Variants in GNPDA2 observed in about 807,000 individuals in gnomAD.
GNPDA2 encodes glcN6P deaminase 2.
Under a neutral mutation model 27.0 loss-of-function variants are expected in GNPDA2, and 24 were observed. The ratio of observed to expected loss-of-function variants is 0.89; its 90% confidence interval spans 0.64 to 1.25. The LOEUF (loss-of-function observed/expected upper bound fraction) is 1.25. Ranked by LOEUF, GNPDA2 falls within the 50% of genes most tolerant of loss-of-function variation. The pLI, the probability that GNPDA2 is intolerant of heterozygous loss-of-function variation, is 0.00. For missense variants in GNPDA2, 286 were observed against 335.1 expected, an observed-to-expected ratio of 0.85 and a Z score of 1.14; for synonymous variants, 94 against 108.4, an observed-to-expected ratio of 0.87 and a Z score of 0.83.
At chr4:44,706,121 G>A (rs1417419343) in intron 6 of GNPDA2, 1 of 151,826 alleles carries the variant, frequency 6.6e-6, no homozygotes, top group Non-Finnish European at 1.5e-5. Flanking sequence ...ATTCCTTGTA[G>A]TCAAGGAATC....
At position 44,707,894 on chromosome 4, in the gene GNPDA2, T is replaced by C. The variant is rs369474718; in HGVS notation, c.627A>G (p.Ala209=). ...CTTCTATTGCTTTGTACAGGGCAAA[T>C]GCCTTGTGTGCCCCTGTTATAAGGA... ...VMILITGAHK[A]FALYKAIEEG... Residue 209 remains alanine, a synonymous_variant, in exon 6 of 7, where the codon GCA becomes GCG. Coordinates refer to ENST00000295448, the MANE Select transcript of GNPDA2 (RefSeq NM_138335.3). The C allele has an allele frequency of 1.2e-6, 2 of 1,607,566 alleles. No homozygotes were observed. Among genetic ancestry groups the C allele is most frequent in the African/African-American group, 2.7e-5 (2 of 74,784 alleles).
chr4:44,714,959 G>A (rs372431692), intron 4 of GNPDA2, among the ~76,000 whole-genome samples: 31 of 152,178 alleles, frequency 2.0e-4, no homozygotes, highest in South Asian at 4.1e-4. Context: ...GGGGAGGAGC[G>A]GGGAAACAAC....
In GNPDA2 at chr4:44,722,073, T is replaced by C; in HGVS notation, c.124+11A>G. 8 of 1,582,634 alleles carry C rather than the reference T, an allele frequency of 5.1e-6. No homozygotes were observed. Among genetic ancestry groups the C allele is most frequent in the Non-Finnish European group, 6.9e-6 (8 of 1,157,510 alleles). On this transcript the variant is annotated intron_variant, in intron 2 of 6. Transcript: ENST00000295448. Reference sequence around the variant, plus strand: ...ATATCAGAATATAAAATGGAAAAAGTAGTTAATTACCTGTTGGTAAACCCA... The same window carrying C: ...ATATCAGAATATAAAATGGAAAAAGCAGTTAATTACCTGTTGGTAAACCCA...
chr4:44,719,088 C>T (rs1474493958), intron 2 of GNPDA2, among the ~76,000 whole-genome samples: 3 of 151,932 alleles, frequency 2.0e-5, no homozygotes, highest in Non-Finnish European at 4.4e-5. Context: ...AAAGATGGCG[C>T]TTCATGATAT....
chr4:44,721,041 A>G (rs1399999656), intron 2 of GNPDA2, among the ~76,000 whole-genome samples: 5 of 144,496 alleles, frequency 3.5e-5, no homozygotes, highest in African/African-American at 1.2e-4. Context: ...GGGGTGTAGT[A>G]CTGGTGTGTC....
chr4:44,702,198 A>G lies in GNPDA2; in HGVS notation c.*883T>C. 1.2e-6 allele frequency: 1 copy of G among 801,888 alleles called. No homozygotes were observed. The allele number at this position is 801,888 out of a possible 1,614,324, so 49.7% of individuals were successfully genotyped here. On this transcript the variant is annotated 3_prime_UTR_variant, in exon 7 of 7. Transcript: ENST00000295448. Reference sequence around the variant, plus strand: ...ATTTGAGTTAAAGATAAAAAACAATATACTTTTATGTAAATTGCTATGGCA... The same window carrying G: ...ATTTGAGTTAAAGATAAAAAACAATGTACTTTTATGTAAATTGCTATGGCA...
At position 44,707,910 on chromosome 4, in the gene GNPDA2, G is replaced by A. The variant is rs1348267439; in HGVS notation, c.611C>T (p.Thr204Ile). ...MDAREVMILI[T>I]GAHKAFALYK... is the part of the protein sequence containing the mutation. Reference sequence around the variant, plus strand: ...CAGGGCAAATGCCTTGTGTGCCCCTGTTATAAGGATCATTACCTGAAAAAT... The same window carrying A: ...CAGGGCAAATGCCTTGTGTGCCCCTATTATAAGGATCATTACCTGAAAAAT... Residue 204 changes from threonine (T) to isoleucine (I), a missense_variant, in exon 6 of 7, where the codon ACA becomes ATA. Physicochemically the swap from Thr to Ile is moderately conservative, Grantham distance 89. Coordinates refer to ENST00000295448, the MANE Select transcript of GNPDA2 (RefSeq NM_138335.3). 2 of 1,595,636 alleles carry A rather than the reference G, an allele frequency of 1.3e-6. No homozygotes were observed. The highest frequency in any genetic ancestry group is 1.7e-6 in the Non-Finnish European group (2 of 1,169,338).
intron 6 of GNPDA2, chr4:44,705,188 AT>A: frequency 1.0e-6 from 1 of 982,940 alleles, no homozygotes; most frequent in Non-Finnish European, 1.2e-6. Context: ...AGAGTTATGG[AT>A]GACAATTATA....
chr4:44,719,774 C>CA (rs1237352739), intron 2 of GNPDA2, among the ~76,000 whole-genome samples: 188 of 137,500 alleles, frequency 1.4e-3, no homozygotes, highest in African/African-American at 4.5e-3. Flanking sequence ...TCAATGTGGC[C>CA]AAAAAAAAAG....
intron 2 of GNPDA2, 83 bp downstream of exon 2, chr4:44,722,001 G>T: frequency 9.5e-7 from 1 of 1,054,028 alleles, no homozygotes; most frequent in Non-Finnish European, 1.4e-6. Context: ...AATGGGGAAA[G>T]TATCTTAAAA....
chr4:44,708,480 T>C (rs1716753176), intron 5 of GNPDA2, among the ~76,000 whole-genome samples: 1 of 151,768 alleles, frequency 6.6e-6, no homozygotes, highest in African/African-American at 2.4e-5. Flanking sequence ...GGGATCTACT[T>C]AAACATAGGA....
Position 44,702,014 on chromosome 4 carries a change from A to G in GNPDA2, c.*1067T>C, listed in dbSNP as rs1716300615. 4 of 985,418 alleles carry G rather than the reference A, an allele frequency of 4.1e-6. No homozygotes were observed. In the South Asian group the frequency reaches 1.4e-4, roughly 35 times the overall value. 61.0% of individuals were successfully genotyped at this position (985,418 alleles called of 1,614,324 possible). ...AAAGGAGCATTTTTTTGCTCCCCAC[A>G]GAGGCAAAGACATCTTTTAACCTAA... On this transcript the variant is annotated 3_prime_UTR_variant, in exon 7 of 7. Coordinates refer to ENST00000295448, the MANE Select transcript of GNPDA2 (RefSeq NM_138335.3).
Position 44,702,958 on chromosome 4 carries a change from CGAAT to C in GNPDA2, c.*119_*122del, listed in dbSNP as rs1716364533. Reference sequence around the variant, plus strand: ...ATATGGAATGTTTAACATAGAGACTCGAATGAAAAAATGACAATCTTCAAAATTC... The same window carrying C: ...ATATGGAATGTTTAACATAGAGACTCGAAAAAATGACAATCTTCAAAATTC... On this transcript the variant is annotated 3_prime_UTR_variant, in exon 7 of 7. Coordinates refer to ENST00000295448, the MANE Select transcript of GNPDA2 (RefSeq NM_138335.3). 2 of 1,526,606 alleles carry C rather than the reference CGAAT, an allele frequency of 1.3e-6. No individual in the cohort carries two copies. Among genetic ancestry groups the C allele is most frequent in the Non-Finnish European group, 1.7e-6 (2 of 1,145,600 alleles). The allele number at this position is 1,526,606 out of a possible 1,614,324, so 94.6% of individuals were successfully genotyped here. A position where few individuals can be genotyped will look rare whatever the true frequency, so the allele number is the denominator to read the frequency against.
At chr4:44,704,963 A>G in intron 6 of GNPDA2, 1 of 984,196 alleles carries the variant, frequency 1.0e-6, no homozygotes, top group Non-Finnish European at 1.2e-6. Flanking sequence ...CCCACGTACT[A>G]AACTTGTTGT....
rs918962669 is a variant in GNPDA2 at position 44,706,817 on chromosome 4, G to C, written c.769+935C>G. The C allele has an allele frequency of 2.0e-5, 3 of 151,920 alleles. No homozygotes were observed. The East Asian group carries it at 5.8e-4, about 29-fold the overall frequency. The allele number at this position is 151,920 out of a possible 1,614,324, so 9.4% of individuals were successfully genotyped here. A position where few individuals can be genotyped will look rare whatever the true frequency, so the allele number is the denominator to read the frequency against. On this transcript the variant is annotated intron_variant, in intron 6 of 6. Coordinates refer to ENST00000295448, the MANE Select transcript of GNPDA2 (RefSeq NM_138335.3). ...AAAAAATATAGCTTTGATTTATTCA[G>C]TGTATTTTCCAATAGGCATTAAAAT...
chr4:44,724,402 G>A (rs1215132649), intron 1 of GNPDA2, among the ~76,000 whole-genome samples: 1 of 152,190 alleles, frequency 6.6e-6, no homozygotes, highest in Non-Finnish European at 1.5e-5. Flanking sequence ...ACCCAGTAGT[G>A]AGATTGCCTG....
At chr4:44,723,763 C>G (rs560370591) in intron 1 of GNPDA2, among the ~76,000 whole-genome samples, 1 of 152,080 alleles carries the variant, frequency 6.6e-6, no homozygotes, top group Non-Finnish European at 1.5e-5. Context: ...AGGAATGAAG[C>G]AGCGAAAGCA....
At chr4:44,719,404 T>C (rs979271535) in intron 2 of GNPDA2, among the ~76,000 whole-genome samples, 3 of 152,028 alleles carry the variant, frequency 2.0e-5, no homozygotes, top group Non-Finnish European at 4.4e-5. Flanking sequence ...TCAAGAATAG[T>C]AAAAAGACTG....
Position 44,702,917 on chromosome 4 carries a change from G to T in GNPDA2, c.*164C>A. On this transcript the variant is annotated 3_prime_UTR_variant, in exon 7 of 7. Transcript: ENST00000295448. ...CTACTTCTCTTAAACCCAAGTACAA[G>T]ATATAAATATTCAAAATATGGAATG... 1 of 1,453,828 alleles carries T rather than the reference G, an allele frequency of 6.9e-7. No individual in the cohort carries two copies. 90.1% of individuals were successfully genotyped at this position (1,453,828 alleles called of 1,614,324 possible). A position where few individuals can be genotyped will look rare whatever the true frequency, so the allele number is the denominator to read the frequency against.
Sources: gnomAD v4.1 joint callset for allele counts (sites outside exome capture counted in the v4.1 genomes callset) on GRCh38, gnomAD v4.1.1 for gene constraint, MANE v1.5 for transcripts, NCBI Gene and HGNC (gene_info 2026-07-23, HGNC 2026-07-21) for gene names.